The following PCDHGB2 variants were observed in gnomAD, a reference collection of about 807,000 sequenced individuals.
The protein encoded by PCDHGB2 is protocadherin gamma-B2.
Under a neutral mutation model 59.3 loss-of-function variants are expected in PCDHGB2, and 55 were observed. The observed-to-expected ratio is 0.93, with a 90% CI of 0.75 to 1.16. PCDHGB2 has a LOEUF of 1.16. PCDHGB2 is among the 50% of genes most tolerant of loss of function. The pLI is 0.00. For missense variants in PCDHGB2, 1,228 were observed against 1,198.5 expected, an observed-to-expected ratio of 1.02 and a Z score of -0.36; for synonymous variants, 516 against 512.0, an observed-to-expected ratio of 1.01 and a Z score of -0.11.
In PCDHGB2 at chr5:141,434,786, T is replaced by A. The variant is rs867453805; in HGVS notation, c.2422-60021T>A. ...TTCACACTTCTAAAAAAAAAAAAAT[T>A]TTTTTTTCTGAGCTTGGAGAAATAT... On this transcript the variant is annotated intron_variant, in intron 1 of 3. Coordinates refer to ENST00000522605, the MANE Select transcript of PCDHGB2 (RefSeq NM_018923.3). 6.8e-4 allele frequency among the ~76,000 whole-genome samples: 102 copies of A among 150,682 alleles called. 1 individual carries two copies. The highest frequency in any genetic ancestry group is 1.8e-3 in the African/African-American group (72 of 40,898).
intron 1 of PCDHGB2, chr5:141,373,786 G>A: frequency 3.4e-6 from 1 of 289,890 alleles, no homozygotes; most frequent in Non-Finnish European, 6.3e-6. Flanking sequence ...AGATTTAGCA[G>A]AAATAAAATC....
chr5:141,509,199 GTCTC>G (rs1017134758), intron 3 of PCDHGB2, among the ~76,000 whole-genome samples: 4 of 152,070 alleles, frequency 2.6e-5, no homozygotes, highest in Admixed American at 2.0e-4. Context: ...AATATTTCCT[GTCTC>G]TCTATTTCTC....
At chr5:141,382,772 C>G (rs1778420393) in intron 1 of PCDHGB2, 1 of 776,996 alleles carries the variant, frequency 1.3e-6, no homozygotes, top group Non-Finnish European at 2.0e-6. Context: ...CCAGGCTGCA[C>G]TAAACTCAAG....
At position 141,371,773 on chromosome 5, in the gene PCDHGB2, A is replaced by C. The variant is rs148367405; in HGVS notation, c.2421+9217A>C. The C allele has an allele frequency of 2.9e-5, 46 of 1,614,020 alleles. No individual in the cohort carries two copies. In the Middle Eastern group the frequency reaches 6.6e-4, roughly 23 times the overall value. On this transcript the variant is annotated intron_variant, in intron 1 of 3. Coordinates refer to ENST00000522605, the MANE Select transcript of PCDHGB2 (RefSeq NM_018923.3). ...TTCCACCAGGCCTCCTACACCGTGC[A>C]TGTAGCTGAGAACAATCCGCCTGGA...
chr5:141,432,050 C>T lies in PCDHGB2; in HGVS notation c.2422-62757C>T. The stretch of plus-strand genomic sequence containing the variant: ...GACCGCCACTGACCGGGGAACCCCG[C>T]CCCTATCCACGGAAACTCATATCTC... On this transcript the variant is annotated intron_variant, in intron 1 of 3. Transcript: ENST00000522605. The surrounding 1 kb of genome is among the most constrained non-coding windows in gnomAD (Gnocchi z 6.0). The T allele has an allele frequency of 6.2e-7, 1 of 1,614,218 alleles. No individual in the cohort carries two copies. The highest frequency in any genetic ancestry group is 8.5e-7 in the Non-Finnish European group (1 of 1,180,044).
intron 1 of PCDHGB2, among the ~76,000 whole-genome samples, chr5:141,442,612 A>C (rs1180568407): frequency 6.6e-6 from 1 of 152,212 alleles, no homozygotes; most frequent in Non-Finnish European, 1.5e-5. Flanking sequence ...ATCTCAGTAA[A>C]AAGCATTTCT....
chr5:141,403,581 T>C (rs2094427540), intron 1 of PCDHGB2: 8 of 1,613,936 alleles, frequency 5.0e-6, no homozygotes, highest in Non-Finnish European at 6.8e-6. Flanking sequence ...GCCCACCACC[T>C]GGTCCTCACG....
At chr5:141,397,304 A>G (rs1206880219) in intron 1 of PCDHGB2, among the ~76,000 whole-genome samples, 2 of 152,202 alleles carry the variant, frequency 1.3e-5, no homozygotes, top group Non-Finnish European at 2.9e-5. Context: ...TATTTCCTGA[A>G]GTAGAAGAGT....
Position 141,475,143 on chromosome 5 carries a change from T to TC in PCDHGB2, c.2422-19662dup, listed in dbSNP as rs372338581. On this transcript the variant is annotated intron_variant, in intron 1 of 3. Transcript: ENST00000522605. ...GGCTTTTTTTCTTTTTGAAATCTTC[T>TC]CCGTCTTCTTCTTCATTAGCAGTGC... Among the ~76,000 whole-genome samples the TC allele has an allele frequency of 4.9e-3, 751 of 152,356 alleles. 5 individuals carry two copies. Among genetic ancestry groups the TC allele is most frequent in the Non-Finnish European group, 6.5e-3 (439 of 68,034 alleles).
rs1439795137 is a variant in PCDHGB2 at position 141,375,822 on chromosome 5, G to A, written c.2421+13266G>A. On this transcript the variant is annotated intron_variant, in intron 1 of 3. Coordinates refer to ENST00000522605, the MANE Select transcript of PCDHGB2 (RefSeq NM_018923.3). ...TCCACTGGCGTGGAGCTGGCGCCCC[G>A]CTCCGCAGAGCCCGGCTACCTGGTG... The A allele has an allele frequency of 3.1e-6, 5 of 1,614,024 alleles. No homozygotes were observed. The Admixed American group carries it at 6.7e-5, about 22-fold the overall frequency.
rs1001719735 is a variant in PCDHGB2 at position 141,512,055 on chromosome 5, TGAC to T, written c.*883_*885del. 10 of 152,698 alleles carry T rather than the reference TGAC, an allele frequency of 6.5e-5. No homozygotes were observed. The highest frequency in any genetic ancestry group is 1.4e-4 in the African/African-American group (6 of 41,450). 9.5% of individuals were successfully genotyped at this position (152,698 alleles called of 1,614,324 possible). On this transcript the variant is annotated 3_prime_UTR_variant, in exon 4 of 4. Coordinates refer to ENST00000522605, the MANE Select transcript of PCDHGB2 (RefSeq NM_018923.3). ...GAGGCTCTGTATGTCCTCAGGGGACTGACAACATCCTCCAGATTCCAGCCATAA... is the reference window on the plus strand; with the variant it reads ...GAGGCTCTGTATGTCCTCAGGGGACTAACATCCTCCAGATTCCAGCCATAA...
chr5:141,396,477 A>C (rs920260792), intron 1 of PCDHGB2: 1 of 152,040 alleles, frequency 6.6e-6, no homozygotes, highest in Non-Finnish European at 1.5e-5. Context: ...AAAATTAGCC[A>C]GGCATGGTGG....
At chr5:141,451,018 C>T (rs1307161489) in intron 1 of PCDHGB2, among the ~76,000 whole-genome samples, 7 of 151,264 alleles carry the variant, frequency 4.6e-5, no homozygotes, top group African/African-American at 1.5e-4. Flanking sequence ...TTAGTAGAGA[C>T]GAGGTTTCAC....
chr5:141,360,551 A>G lies in PCDHGB2; in HGVS notation c.416A>G (p.Asn139Ser). 5 of 1,613,988 alleles carry G rather than the reference A, an allele frequency of 3.1e-6. No individual in the cohort carries two copies. Among genetic ancestry groups the G allele is most frequent in the Non-Finnish European group, 4.2e-6 (5 of 1,179,882 alleles). The change falls in exon 1 of 4, where the codon AAT becomes AGT. Residue 139 changes from asparagine to serine, a missense_variant. Asn to Ser is a conservative substitution (Grantham distance 46, BLOSUM62 1). Transcript: ENST00000522605. ...NTPLFKQTKI[N>S]LKIGESTKPG... ...CCGCTATTCAAACAGACTAAGATTA[A>G]TTTAAAAATTGGCGAATCCACTAAG...
At chr5:141,430,713 T>G in intron 1 of PCDHGB2, 1 of 1,481,944 alleles carries the variant, frequency 6.7e-7, no homozygotes, top group Non-Finnish European at 9.0e-7. Context: ...GCTCCTGACT[T>G]CAGTGGTTAA....
chr5:141,414,486 AACGG>A, intron 1 of PCDHGB2: 1 of 1,613,938 alleles, frequency 6.2e-7, no homozygotes, highest in Non-Finnish European at 8.5e-7. Flanking sequence ...CTCCTCTATC[AACGG>A]AAGCTCACTT....
intron 1 of PCDHGB2, among the ~76,000 whole-genome samples, chr5:141,443,191 A>G (rs2098371862): frequency 6.6e-6 from 1 of 152,122 alleles, no homozygotes; most frequent in Non-Finnish European, 1.5e-5. Flanking sequence ...CATTCTCTAT[A>G]GTACAAAGAG....
At position 141,489,207 on chromosome 5, in the gene PCDHGB2, A is replaced by T; in HGVS notation, c.2422-5600A>T. The T allele has an allele frequency of 6.9e-7, 1 of 1,452,692 alleles. No homozygotes were observed. The highest frequency in any genetic ancestry group is 9.3e-7 in the Non-Finnish European group (1 of 1,073,586). 90.0% of individuals were successfully genotyped at this position (1,452,692 alleles called of 1,614,324 possible). ...GGGTCTACCTTGGAGACAGGACAGC[A>T]CAGACTTACTCTCCACAAAGGGACT... On this transcript the variant is annotated intron_variant, in intron 1 of 3. Transcript: ENST00000522605. The surrounding 1 kb of genome is among the most constrained non-coding windows in gnomAD (Gnocchi z 4.5).
chr5:141,385,241 G>A lies in PCDHGB2; in HGVS notation c.2421+22685G>A, dbSNP rs749708848. ...CCCAACTATGTAGACATGCTCATCA[G>A]CCAGGAGAGCTGTGAGAAAAATGAT... On this transcript the variant is annotated intron_variant, in intron 1 of 3. Transcript: ENST00000522605. 9 of 1,613,904 alleles carry A rather than the reference G, an allele frequency of 5.6e-6. No homozygotes were observed. The Admixed American group carries it at 1.5e-4, about 27-fold the overall frequency.
Sources: allele counts gnomAD v4.1 joint callset (sites outside exome capture counted in the v4.1 genomes callset), GRCh38; gene constraint gnomAD v4.1.1; non-coding constraint Gnocchi (gnomAD v3.1); transcripts MANE v1.5; gene names NCBI Gene and HGNC (gene_info 2026-07-23, HGNC 2026-07-21).